OSBPL1A: variants seen among roughly 807,000 people sequenced by gnomAD.
OSBPL1A encodes the protein oxysterol binding protein like 1A, also known as oxysterol-binding protein-related protein 1.
A neutral mutation model predicts 137.1 loss-of-function variants in OSBPL1A; 80 were observed. The observed-to-expected ratio is 0.58, with a 90% confidence interval of 0.49 to 0.70. The LOEUF (loss-of-function observed/expected upper bound fraction) is 0.70, where lower values mean the gene tolerates loss of function less well. Among genes scored for constraint, OSBPL1A ranks in the 30% least tolerant of loss-of-function variants. The pLI, the probability that OSBPL1A is intolerant of heterozygous loss-of-function variation, is 0.00. For missense variants in OSBPL1A, 970 were observed against 1,129.4 expected (o/e 0.86, Z 2.02); for synonymous variants, 365 against 389.7 (o/e 0.94, Z 0.75).
chr18:24,342,031 A>G (rs1282869808), intron 4 of OSBPL1A, among the ~76,000 whole-genome samples: 2 of 152,218 alleles, frequency 1.3e-5, no homozygotes, highest in East Asian at 1.9e-4. Context: ...GTTGAGAAAT[A>G]TAATTTCTGC....
Position 24,368,276 on chromosome 18 carries a change from C to A in OSBPL1A, c.207+11G>T. 1.9e-6 allele frequency: 3 copies of A among 1,594,268 alleles called. No individual in the cohort carries two copies. Among genetic ancestry groups the A allele is most frequent in the Non-Finnish European group, 2.6e-6 (3 of 1,165,106 alleles). On this transcript the variant is annotated intron_variant, in intron 3 of 27. Transcript: ENST00000319481. ...TACTGTAGTCATTAAAAATTAAAGT[C>A]ATAAATAGACCTTCAACAGATCCTG...
intron 17 of OSBPL1A, among the ~76,000 whole-genome samples, chr18:24,207,700 T>C (rs1250144606): frequency 1.3e-5 from 2 of 152,206 alleles, no homozygotes; most frequent in African/African-American, 4.8e-5. Flanking sequence ...TGTGTGTGTA[T>C]AACTATTTAC....
chr18:24,313,174 G>T (rs1415327282), intron 12 of OSBPL1A, among the ~76,000 whole-genome samples: 1 of 151,944 alleles, frequency 6.6e-6, no homozygotes, highest in Non-Finnish European at 1.5e-5. Context: ...CGGGCGCGGT[G>T]GCTCATGCCT....
chr18:24,171,421 A>T lies in OSBPL1A; in HGVS notation c.2279T>A (p.Ile760Asn). The T allele has an allele frequency of 6.2e-7, 1 of 1,611,616 alleles. No homozygotes were observed. Among genetic ancestry groups the T allele is most frequent in the Non-Finnish European group, 8.5e-7 (1 of 1,178,652 alleles). The part of the protein sequence containing the change: ...GKELHKVEGY[I>N]QDKSKKKLCA... ...AGAGAAATTTTACCTTTTATCTTGA[A>T]TGTAGCCTTCAACTTTGTGTAATTC... Residue 760 changes from isoleucine (I) to asparagine (N), a missense_variant, in exon 23 of 28, where the codon ATT (isoleucine) becomes AAT (asparagine). Physicochemically the swap from Ile to Asn is moderately radical, Grantham distance 149. This residue lies in a region of OSBPL1A where 323 missense variants were observed against 456.8 expected (regional missense o/e 0.71). Transcript: ENST00000319481.
At chr18:24,348,732 C>G (rs1427118836) in intron 4 of OSBPL1A, among the ~76,000 whole-genome samples, 1 of 151,994 alleles carries the variant, frequency 6.6e-6, no homozygotes, top group Non-Finnish European at 1.5e-5. Context: ...CAAGATCGCA[C>G]AACTGCACTC....
At chr18:24,244,931 G>A (rs2088836561) in intron 15 of OSBPL1A, among the ~76,000 whole-genome samples, 1 of 152,170 alleles carries the variant, frequency 6.6e-6, no homozygotes, top group African/African-American at 2.4e-5. Context: ...ACAGAACACT[G>A]TGTGCAATCA....
At chr18:24,369,853 C>A in intron 2 of OSBPL1A, among the ~76,000 whole-genome samples, 1 of 152,186 alleles carries the variant, frequency 6.6e-6, no homozygotes, top group East Asian at 1.9e-4. Flanking sequence ...AGGATCTCCC[C>A]CTTATTCTTC....
intron 24 of OSBPL1A, among the ~76,000 whole-genome samples, chr18:24,169,168 G>A (rs2086212238): frequency 6.6e-6 from 1 of 152,200 alleles, no homozygotes; most frequent in Non-Finnish European, 1.5e-5. Context: ...GGGAAACAAA[G>A]AAAGAAAGAA....
intron 15 of OSBPL1A, among the ~76,000 whole-genome samples, chr18:24,247,631 T>C (rs950531414): frequency 6.6e-6 from 1 of 151,788 alleles, no homozygotes; most frequent in African/African-American, 2.4e-5. Flanking sequence ...GCTGGCTAAT[T>C]TTTTTTGTAA....
rs116218009 is a variant in OSBPL1A at position 24,320,279 on chromosome 18, T to C, written c.626-1470A>G. 3.9e-3 allele frequency among the ~76,000 whole-genome samples: 592 copies of C among 152,180 alleles called. 9 individuals are homozygous for C. The highest frequency in any genetic ancestry group is 0.013 in the African/African-American group (537 of 41,530). ...AAAATACTGGGGGGATGGGAAAGCA[T>C]AGAAGGTGGGAAAGACAGATGATAA... On this transcript the variant is annotated intron_variant, in intron 7 of 27. Coordinates refer to ENST00000319481, the MANE Select transcript of OSBPL1A (RefSeq NM_080597.4).
At chr18:24,290,546 G>A (rs1475576336) in intron 14 of OSBPL1A, among the ~76,000 whole-genome samples, 1 of 152,104 alleles carries the variant, frequency 6.6e-6, no homozygotes, top group Non-Finnish European at 1.5e-5. Context: ...ACCCAGACGT[G>A]GCAGTGTGTG....
At chr18:24,252,754 TAAC>T (rs1289647427) in intron 15 of OSBPL1A, among the ~76,000 whole-genome samples, 14 of 151,914 alleles carry the variant, frequency 9.2e-5, no homozygotes, top group Admixed American at 2.0e-4. Context: ...TCAAAAATAA[TAAC>T]AACAACTTTT....
chr18:24,224,218 C>T (rs556939884), intron 17 of OSBPL1A, among the ~76,000 whole-genome samples: 1 of 151,814 alleles, frequency 6.6e-6, no homozygotes, highest in East Asian at 1.9e-4. Context: ...TTTTCTAGAA[C>T]AGTAGTCAAA....
intron 1 of OSBPL1A, among the ~76,000 whole-genome samples, chr18:24,387,642 T>C (rs1016392717): frequency 1.1e-4 from 16 of 151,986 alleles, no homozygotes; most frequent in African/African-American, 3.9e-4. Context: ...CTCAAACTCC[T>C]GGGCTTAAGT....
chr18:24,281,074 T>C (rs2089947792), intron 14 of OSBPL1A, 126 bp from the exon 15 acceptor site: 1 of 551,504 alleles, frequency 1.8e-6, no homozygotes, highest in Non-Finnish European at 3.0e-6. Context: ...GCAAAACATA[T>C]CATGTTTCTT....
intron 17 of OSBPL1A, among the ~76,000 whole-genome samples, chr18:24,223,842 C>G (rs2087974127): frequency 6.6e-6 from 1 of 152,116 alleles, no homozygotes; most frequent in South Asian, 2.1e-4. Context: ...AAAGATTTCA[C>G]CTGTGTTCTC....
intron 1 of OSBPL1A, among the ~76,000 whole-genome samples, chr18:24,388,632 T>G (rs1452530205): frequency 6.6e-6 from 1 of 151,868 alleles, no homozygotes; most frequent in Non-Finnish European, 1.5e-5. Context: ...AAACTCCGTC[T>G]CTACTAAAAG....
At chr18:24,374,592 T>C (rs568176674) in intron 2 of OSBPL1A, among the ~76,000 whole-genome samples, 4 of 152,144 alleles carry the variant, frequency 2.6e-5, no homozygotes, top group Non-Finnish European at 5.9e-5. Flanking sequence ...GAAGGCTGCA[T>C]TTTGGCTAAC....
intron 1 of OSBPL1A, among the ~76,000 whole-genome samples, chr18:24,394,986 G>GGCC (rs530829986): frequency 3.2e-3 from 482 of 152,304 alleles, no homozygotes; most frequent in African/African-American, 0.011. Flanking sequence ...TAGTGGCAGA[G>GGCC]GCCACGTGAG....
Sources: allele counts gnomAD v4.1 joint callset (sites outside exome capture counted in the v4.1 genomes callset), GRCh38; gene constraint gnomAD v4.1.1; regional missense constraint gnomAD v4.1.1; transcripts MANE v1.5; gene names NCBI Gene and HGNC (gene_info 2026-07-23, HGNC 2026-07-21).